The following RASSF2 variants were observed in gnomAD, a reference collection of about 807,000 sequenced individuals.
The protein encoded by RASSF2 is ras association domain-containing protein 2.
A neutral mutation model predicts 46.3 loss-of-function variants in RASSF2; 34 were observed. The observed-to-expected ratio is 0.73, with a 90% CI of 0.56 to 0.98. The LOEUF (loss-of-function observed/expected upper bound fraction) is 0.98. Among genes scored for constraint, RASSF2 ranks in the 50% least tolerant of loss-of-function variants. RASSF2 has a pLI of 0.00. For missense variants in RASSF2, 364 were observed against 431.2 expected (o/e 0.84, Z 1.38); for synonymous variants, 158 against 162.5 (o/e 0.97, Z 0.21).
intron 3 of RASSF2, 65 bp from the exon 4 acceptor site, chr20:4,798,150 CCT>C (rs1926516749): frequency 1.3e-6 from 2 of 1,591,806 alleles, no homozygotes; most frequent in Admixed American, 3.4e-5. Context: ...GCAGTTGTTC[CCT>C]CTTTCTCTCA....
chr20:4,786,307 C>T lies in RASSF2; in HGVS notation c.835G>A (p.Glu279Lys), dbSNP rs1341633510. 14 of 1,611,610 alleles carry T rather than the reference C, an allele frequency of 8.7e-6. No individual in the cohort carries two copies. Among genetic ancestry groups the T allele is most frequent in the Non-Finnish European group, 1.2e-5 (14 of 1,177,816 alleles). Residue 279 changes from glutamate (E) to lysine (K), a missense_variant, in exon 11 of 12, where the codon GAG (glutamate) becomes AAG (lysine). Coordinates refer to ENST00000379400, the MANE Select transcript of RASSF2 (RefSeq NM_014737.3). Reference protein sequence around the residue: ...TYDVAQYIKFEMPVLKSFIQK... With the variant: ...TYDVAQYIKFKMPVLKSFIQK... Reference sequence around the variant, plus strand: ...ATGAAGCTTTTAAGTACCGGCATCTCGAACTTTATATACTGGGCCACCTAG... The same window carrying T: ...ATGAAGCTTTTAAGTACCGGCATCTTGAACTTTATATACTGGGCCACCTAG...
chr20:4,793,121 CAA>C, intron 5 of RASSF2: 1 of 163,072 alleles, frequency 6.1e-6, no homozygotes, highest in South Asian at 1.5e-4. Flanking sequence ...AAGTTGGCCA[CAA>C]CAAGGGCAGG....
intron 7 of RASSF2, 111 bp from the exon 8 acceptor site, chr20:4,789,808 G>A (rs899116143): frequency 2.3e-5 from 20 of 864,906 alleles, no homozygotes; most frequent in East Asian, 1.0e-4. Flanking sequence ...GTACTCCCTG[G>A]GAGCCCCCGG....
At chr20:4,792,656 G>A (rs942271852) in intron 5 of RASSF2, 29 bp from the exon 6 acceptor site, 6 of 1,611,634 alleles carry the variant, frequency 3.7e-6, no homozygotes, top group Non-Finnish European at 2.5e-6. Context: ...AAGGGGAGGG[G>A]GGAGACTAGT....
intron 2 of RASSF2, among the ~76,000 whole-genome samples, chr20:4,808,102 T>C (rs1052944299): frequency 5.3e-5 from 8 of 152,338 alleles, no homozygotes; most frequent in African/African-American, 1.9e-4. Flanking sequence ...AACAGGAATG[T>C]GGATTCAATT....
At chr20:4,792,941 A>T in intron 5 of RASSF2, 1 of 377,564 alleles carries the variant, frequency 2.6e-6, no homozygotes. Context: ...CAAGGAACAA[A>T]ACCCACGTGT....
intron 11 of RASSF2, among the ~76,000 whole-genome samples, chr20:4,785,458 A>G (rs1253309713): frequency 2.0e-5 from 3 of 152,236 alleles, no homozygotes; most frequent in Non-Finnish European, 2.9e-5. Context: ...TTTATTCTCC[A>G]GTGGCAAAAA....
At chr20:4,822,709 G>A (rs534381498) in intron 1 of RASSF2, among the ~76,000 whole-genome samples, 2 of 152,378 alleles carry the variant, frequency 1.3e-5, no homozygotes, top group African/African-American at 4.8e-5. Context: ...CTCCGAAGGA[G>A]GGCGGGGAGA....
chr20:4,786,136 C>T, intron 11 of RASSF2, 95 bp downstream of exon 11: 1 of 1,000,878 alleles, frequency 1.0e-6, no homozygotes, highest in Non-Finnish European at 1.5e-6. Flanking sequence ...CAGGCCCATG[C>T]AGCAGCTCAG....
intron 2 of RASSF2, among the ~76,000 whole-genome samples, chr20:4,811,534 C>A (rs1220276928): frequency 7.1e-6 from 1 of 140,634 alleles, no homozygotes; most frequent in Non-Finnish European, 1.6e-5. Context: ...ATTGAGGACA[C>A]CACCATAGGT....
At chr20:4,819,189 C>T (rs1928534625) in intron 2 of RASSF2, among the ~76,000 whole-genome samples, 1 of 152,150 alleles carries the variant, frequency 6.6e-6, no homozygotes, top group African/African-American at 2.4e-5. Flanking sequence ...TCTTGAACTC[C>T]TGACCTCAGG....
intron 2 of RASSF2, among the ~76,000 whole-genome samples, chr20:4,811,558 C>CTTT (rs1927819722): frequency 1.3e-5 from 2 of 151,786 alleles, no homozygotes; most frequent in Non-Finnish European, 2.9e-5. Flanking sequence ...TCAAAGCAGC[C>CTTT]CTTCAAGAAA....
Position 4,787,569 on chromosome 20 carries a change from A to T in RASSF2, c.813+64T>A, listed in dbSNP as rs1925467450. Reference sequence around the variant, plus strand: ...AAAAAAGTCATTCTATACCCCAGTTACAGGTGGTCCAACCAAATCCCCACC... The same window carrying T: ...AAAAAAGTCATTCTATACCCCAGTTTCAGGTGGTCCAACCAAATCCCCACC... On this transcript the variant is annotated intron_variant, in intron 10 of 11. Transcript: ENST00000379400. 4.4e-6 allele frequency: 7 copies of T among 1,604,656 alleles called. No individual in the cohort carries two copies. In the Admixed American group the frequency reaches 1.0e-4, roughly 23 times the overall value.
chr20:4,807,030 T>C (rs1744756364), intron 2 of RASSF2, among the ~76,000 whole-genome samples: 1 of 152,182 alleles, frequency 6.6e-6, no homozygotes, highest in South Asian at 2.1e-4. Flanking sequence ...CTTAAAACTA[T>C]CTGGTTCTAC....
At chr20:4,799,700 C>A (rs1322370643) in intron 3 of RASSF2, among the ~76,000 whole-genome samples, 1 of 152,198 alleles carries the variant, frequency 6.6e-6, no homozygotes, top group Admixed American at 6.5e-5. Flanking sequence ...TGGTAGAAGT[C>A]CCTGGGGAAA....
rs576609076 is a variant in RASSF2 at position 4,811,959 on chromosome 20, G to A, written c.-33+10370C>T. The stretch of plus-strand genomic sequence containing the variant: ...GACCAACTGGCCAGGTCTCCTGAGG[G>A]AATCTGCTTTGTAACCAAGCAATGG... On this transcript the variant is annotated intron_variant, in intron 2 of 11. Transcript: ENST00000379400. Among the ~76,000 whole-genome samples the A allele has an allele frequency of 5.9e-5, 9 of 152,290 alleles. No individual in the cohort carries two copies. The South Asian group carries it at 1.9e-3, about 32-fold the overall frequency.
At chr20:4,791,053 T>C (rs1413169844) in intron 6 of RASSF2, among the ~76,000 whole-genome samples, 1 of 152,190 alleles carries the variant, frequency 6.6e-6, no homozygotes, top group Non-Finnish European at 1.5e-5. Context: ...TACCCACGGA[T>C]GAACCTTGAT....
At chr20:4,804,353 CTTT>C (rs10659167) in intron 2 of RASSF2, among the ~76,000 whole-genome samples, 5 of 118,704 alleles carry the variant, frequency 4.2e-5, no homozygotes, top group African/African-American at 6.4e-5. Context: ...AGAAAGCTTT[CTTT>C]TTTTTTTTTT....
intron 2 of RASSF2, among the ~76,000 whole-genome samples, chr20:4,810,717 T>G (rs1927717539): frequency 1.3e-5 from 2 of 152,166 alleles, no homozygotes; most frequent in Non-Finnish European, 2.9e-5. Flanking sequence ...TCTTTCTGGT[T>G]GTAGAGCAGG....
Sources: allele counts gnomAD v4.1 joint callset (sites outside exome capture counted in the v4.1 genomes callset), GRCh38; gene constraint gnomAD v4.1.1; transcripts MANE v1.5; gene names NCBI Gene and HGNC (gene_info 2026-07-23, HGNC 2026-07-21).